SLC35F1: variants seen among roughly 807,000 people sequenced by gnomAD.
SLC35F1 encodes the protein solute carrier family 35 member F1.
A neutral mutation model predicts 48.7 loss-of-function variants in SLC35F1; 14 were observed. That is an observed-to-expected ratio of 0.29 (90% CI 0.19 to 0.45). The LOEUF is 0.45. Ranked by LOEUF, SLC35F1 falls within the 20% of genes least tolerant of loss-of-function variation. The probability of loss-of-function intolerance (pLI) is 1.00; values close to 1 mark genes in which losing one functional copy is unlikely to be tolerated. For missense variants in SLC35F1, 404 were observed against 500.0 expected (o/e 0.81, Z 1.83); for synonymous variants, 190 against 202.2 (o/e 0.94, Z 0.51).
intron 2 of SLC35F1, among the ~76,000 whole-genome samples, chr6:118,196,108 A>G (rs1479216823): frequency 6.6e-6 from 1 of 152,218 alleles, no homozygotes; most frequent in Admixed American, 6.5e-5. Flanking sequence ...GACGTATGGA[A>G]ATCAGAAGTG....
At chr6:118,189,054 G>T (rs1236059704) in intron 2 of SLC35F1, among the ~76,000 whole-genome samples, 1 of 152,122 alleles carries the variant, frequency 6.6e-6, no homozygotes, top group Non-Finnish European at 1.5e-5. Flanking sequence ...TGGGACTACA[G>T]GTGTGAACCA....
chr6:118,139,186 C>G (rs960070833), intron 1 of SLC35F1, among the ~76,000 whole-genome samples: 7 of 152,262 alleles, frequency 4.6e-5, no homozygotes, highest in African/African-American at 1.7e-4. Flanking sequence ...GATCTCAGCT[C>G]ACTGCAAGCT....
chr6:118,100,584 G>A (rs1344195482), intron 1 of SLC35F1, among the ~76,000 whole-genome samples: 1 of 152,170 alleles, frequency 6.6e-6, no homozygotes, highest in South Asian at 2.1e-4. Flanking sequence ...CAAAGTCTAG[G>A]GGGGTTTCAA....
At chr6:118,235,243 A>T (rs903253991) in intron 2 of SLC35F1, among the ~76,000 whole-genome samples, 2 of 152,148 alleles carry the variant, frequency 1.3e-5, no homozygotes, top group Non-Finnish European at 2.9e-5. Context: ...ATTTATTCAC[A>T]CACAAAAGAT....
chr6:118,269,445 A>G, intron 4 of SLC35F1, among the ~76,000 whole-genome samples: 1 of 152,186 alleles, frequency 6.6e-6, no homozygotes, highest in South Asian at 2.1e-4. Flanking sequence ...ACCAGCCCAG[A>G]TATAGGATCC....
At position 118,130,526 on chromosome 6, in the gene SLC35F1, GA is replaced by G. The variant is rs547938671; in HGVS notation, c.174-23912del. 6.2e-3 allele frequency among the ~76,000 whole-genome samples: 936 copies of G among 152,082 alleles called. 10 individuals carry two copies. Among genetic ancestry groups the G allele is most frequent in the Non-Finnish European group, 7.8e-3 (530 of 67,974 alleles). ...ACAATAACAAAAAAACTGGTTTACT[GA>G]AAAAAATATAGTGTCTTTCTGAGGA... On this transcript the variant is annotated intron_variant, in intron 1 of 7. Coordinates refer to ENST00000360388, the MANE Select transcript of SLC35F1 (RefSeq NM_001029858.4).
intron 2 of SLC35F1, among the ~76,000 whole-genome samples, chr6:118,197,157 A>T (rs1267205739): frequency 6.6e-6 from 1 of 152,176 alleles, no homozygotes; most frequent in African/African-American, 2.4e-5. Context: ...AGTGTATCTT[A>T]GTTATTTTGC....
chr6:118,074,440 C>T (rs537602864), intron 1 of SLC35F1, among the ~76,000 whole-genome samples: 3 of 152,250 alleles, frequency 2.0e-5, no homozygotes, highest in South Asian at 2.1e-4. Flanking sequence ...GGAGGTCACA[C>T]ATTTCACCTC....
intron 2 of SLC35F1, among the ~76,000 whole-genome samples, chr6:118,170,479 A>T (rs1437484732): frequency 6.6e-6 from 1 of 152,172 alleles, no homozygotes; most frequent in Non-Finnish European, 1.5e-5. Flanking sequence ...TGGCCCTGTC[A>T]CCCAGGCTGG....
At chr6:118,173,040 A>G (rs73766446) in intron 2 of SLC35F1, among the ~76,000 whole-genome samples, 1,524 of 152,266 alleles carry the variant, frequency 0.01, 31 homozygotes, top group African/African-American at 0.035. Flanking sequence ...GAGAAAGGAA[A>G]AGATAATGAG....
chr6:118,064,095 A>T (rs1024507552), intron 1 of SLC35F1, among the ~76,000 whole-genome samples: 1 of 152,200 alleles, frequency 6.6e-6, no homozygotes, highest in Non-Finnish European at 1.5e-5. Context: ...GGCAAGGAGG[A>T]GCAAGTCACA....
chr6:118,080,067 C>T (rs890795654), intron 1 of SLC35F1, among the ~76,000 whole-genome samples: 1 of 152,170 alleles, frequency 6.6e-6, no homozygotes, highest in African/African-American at 2.4e-5. Context: ...CCTCACTGAA[C>T]ATTAAAAAAA....
chr6:118,039,166 T>C (rs1179274401), intron 1 of SLC35F1, among the ~76,000 whole-genome samples: 1 of 152,172 alleles, frequency 6.6e-6, no homozygotes, highest in African/African-American at 2.4e-5. Context: ...CTTTCAGCGC[T>C]TTCAAGATGT....
chr6:118,041,395 G>C (rs1433685108), intron 1 of SLC35F1, among the ~76,000 whole-genome samples: 1 of 152,096 alleles, frequency 6.6e-6, no homozygotes, highest in East Asian at 1.9e-4. Flanking sequence ...TTAGTTCAGA[G>C]CGCTTCACTG....
chr6:118,018,724 G>T (rs1562265725), intron 1 of SLC35F1, among the ~76,000 whole-genome samples: 1 of 152,162 alleles, frequency 6.6e-6, no homozygotes, highest in Non-Finnish European at 1.5e-5. Context: ...TGCATGATCT[G>T]CTACTGCCCC....
At chr6:117,950,924 AT>A (rs1201550408) in intron 1 of SLC35F1, among the ~76,000 whole-genome samples, 2 of 152,152 alleles carry the variant, frequency 1.3e-5, no homozygotes, top group African/African-American at 4.8e-5. Flanking sequence ...ATGGAAATAA[AT>A]TTTTTTCATA....
intron 3 of SLC35F1, among the ~76,000 whole-genome samples, chr6:118,263,153 T>C (rs1167651681): frequency 6.6e-6 from 1 of 152,130 alleles, no homozygotes; most frequent in Non-Finnish European, 1.5e-5. Context: ...GCCTCTCAGG[T>C]TCAAGCGATT....
intron 1 of SLC35F1, among the ~76,000 whole-genome samples, chr6:117,987,604 T>C (rs1776864861): frequency 6.6e-6 from 1 of 152,142 alleles, no homozygotes; most frequent in Admixed American, 6.5e-5. Context: ...CCTTAAATGA[T>C]GCATCAAAAA....
At chr6:118,161,266 C>G (rs1234165362) in intron 2 of SLC35F1, among the ~76,000 whole-genome samples, 1 of 151,578 alleles carries the variant, frequency 6.6e-6, no homozygotes, top group Non-Finnish European at 1.5e-5. Context: ...CCCCTACTTT[C>G]ATTGCAGTTT....
Sources: allele counts gnomAD v4.1 joint callset (sites outside exome capture counted in the v4.1 genomes callset), GRCh38; gene constraint gnomAD v4.1.1; transcripts MANE v1.5; gene names NCBI Gene and HGNC (gene_info 2026-07-23, HGNC 2026-07-21).